Variants in SLC2A13 observed in about 807,000 individuals in gnomAD.
SLC2A13 encodes the protein proton myo-inositol cotransporter.
A neutral mutation model predicts 64.4 loss-of-function variants in SLC2A13; 32 were observed. That is an observed-to-expected ratio of 0.50 (90% CI 0.37 to 0.67). The LOEUF is 0.67. Among genes scored for constraint, SLC2A13 ranks in the 30% least tolerant of loss-of-function variants. The pLI is 0.00. For synonymous variants in SLC2A13, 338 were observed against 327.1 expected (o/e 1.03, Z -0.36); for missense variants, 743 against 829.2 (o/e 0.90, Z 1.28).
intron 4 of SLC2A13, among the ~76,000 whole-genome samples, chr12:39,943,240 C>T (rs1946073329): frequency 6.6e-6 from 1 of 152,176 alleles, no homozygotes; most frequent in Non-Finnish European, 1.5e-5. Flanking sequence ...ATCAGGGACC[C>T]ACTTGAGGAA....
At chr12:39,962,690 GATATTAT>G (rs780314874) in intron 3 of SLC2A13, among the ~76,000 whole-genome samples, 3 of 152,072 alleles carry the variant, frequency 2.0e-5, no homozygotes, top group Non-Finnish European at 4.4e-5. Context: ...TTTTTCAATA[GATATTAT>G]ATGCAAGGAA....
intron 3 of SLC2A13, among the ~76,000 whole-genome samples, chr12:40,012,466 T>C (rs1402572240): frequency 1.3e-5 from 2 of 152,168 alleles, no homozygotes; most frequent in African/African-American, 4.8e-5. Flanking sequence ...CTGGAAGTGT[T>C]TCCAGAAAGA....
At chr12:39,818,220 T>G (rs1420126955) in intron 7 of SLC2A13, among the ~76,000 whole-genome samples, 1 of 151,824 alleles carries the variant, frequency 6.6e-6, no homozygotes. Flanking sequence ...ATTCCCCCAG[T>G]CATGTACATC....
At chr12:40,034,540 T>A (rs1278619866) in intron 2 of SLC2A13, among the ~76,000 whole-genome samples, 3 of 152,222 alleles carry the variant, frequency 2.0e-5, no homozygotes, top group Admixed American at 2.0e-4. Context: ...AAACTGTATC[T>A]GTAATTCCAA....
At chr12:40,035,933 A>G (rs1429707916) in intron 2 of SLC2A13, among the ~76,000 whole-genome samples, 1 of 152,238 alleles carries the variant, frequency 6.6e-6, no homozygotes, top group Non-Finnish European at 1.5e-5. Flanking sequence ...ACTGCATGGT[A>G]AAATACGTTA....
At chr12:39,798,041 T>A (rs1287693935) in intron 7 of SLC2A13, among the ~76,000 whole-genome samples, 3 of 152,194 alleles carry the variant, frequency 2.0e-5, no homozygotes, top group African/African-American at 7.2e-5. Flanking sequence ...AGATCAAAGA[T>A]ATGATGGTGT....
intron 3 of SLC2A13, among the ~76,000 whole-genome samples, chr12:40,002,356 C>A (rs1947334259): frequency 6.6e-6 from 1 of 152,122 alleles, no homozygotes; most frequent in Non-Finnish European, 1.5e-5. Context: ...AATTCACACC[C>A]AGCTCTGTTT....
intron 3 of SLC2A13, among the ~76,000 whole-genome samples, chr12:40,007,204 C>A (rs2136189782): frequency 6.6e-6 from 1 of 152,264 alleles, no homozygotes; most frequent in Middle Eastern, 3.4e-3. Flanking sequence ...GGAACTCATT[C>A]ATAATTTTCT....
intron 7 of SLC2A13, among the ~76,000 whole-genome samples, chr12:39,799,806 C>T (rs944827490): frequency 6.6e-6 from 1 of 152,106 alleles, no homozygotes; most frequent in Non-Finnish European, 1.5e-5. Context: ...AGCCTGGCAA[C>T]TGAGGAGAGC....
intron 2 of SLC2A13, among the ~76,000 whole-genome samples, chr12:40,047,572 A>G (rs1948190091): frequency 6.6e-6 from 1 of 152,228 alleles, no homozygotes; most frequent in Non-Finnish European, 1.5e-5. Context: ...CCAAATATCA[A>G]GGAATAATTT....
At chr12:40,024,576 CTCT>C (rs1947773696) in intron 3 of SLC2A13, among the ~76,000 whole-genome samples, 3 of 152,186 alleles carry the variant, frequency 2.0e-5, no homozygotes, top group African/African-American at 4.8e-5. Context: ...TTTTATTATT[CTCT>C]TCATCTTTTT....
chr12:40,041,365 T>A (rs1415262824), intron 2 of SLC2A13, among the ~76,000 whole-genome samples: 2 of 152,228 alleles, frequency 1.3e-5, no homozygotes, highest in Non-Finnish European at 2.9e-5. Flanking sequence ...TTCTTTCAGA[T>A]GACAGGGCCT....
In SLC2A13 at chr12:39,934,908, T is replaced by C. The variant is rs1219306432; in HGVS notation, c.1034+16349A>G. Among the ~76,000 whole-genome samples the C allele has an allele frequency of 5.9e-5, 9 of 152,242 alleles. No individual in the cohort carries two copies. In the South Asian group the frequency reaches 1.9e-3, roughly 32 times the overall value. ...CCATGAATGGCAGGTCATCAGACTA[T>C]TTGTCTCTGCATGGAGCGGCTTAAT... On this transcript the variant is annotated intron_variant, in intron 4 of 9. Coordinates refer to ENST00000280871, the MANE Select transcript of SLC2A13 (RefSeq NM_052885.4).
chr12:39,947,139 G>A (rs1946149731), intron 4 of SLC2A13, among the ~76,000 whole-genome samples: 1 of 152,142 alleles, frequency 6.6e-6, no homozygotes, highest in South Asian at 2.1e-4. Flanking sequence ...AGAAAAGTAA[G>A]AAGAGGAAAT....
At chr12:39,960,966 C>T (rs1222365834) in intron 3 of SLC2A13, among the ~76,000 whole-genome samples, 5 of 150,616 alleles carry the variant, frequency 3.3e-5, no homozygotes, top group South Asian at 4.2e-4. Context: ...ATGCTGGTCT[C>T]GAACTCCCGA....
intron 6 of SLC2A13, among the ~76,000 whole-genome samples, chr12:39,842,126 G>A (rs1943194404): frequency 6.6e-6 from 1 of 152,082 alleles, no homozygotes; most frequent in Admixed American, 6.6e-5. Flanking sequence ...ACCTAAGGAT[G>A]TTGACTTCCA....
rs549284476 is a variant in SLC2A13 at position 40,017,631 on chromosome 12, G to A, written c.925+10670C>T. Among the ~76,000 whole-genome samples the A allele has an allele frequency of 2.6e-5, 4 of 152,316 alleles. No individual in the cohort carries two copies. In the East Asian group the frequency reaches 7.7e-4, roughly 29 times the overall value. On this transcript the variant is annotated intron_variant, in intron 3 of 9. Coordinates refer to ENST00000280871, the MANE Select transcript of SLC2A13 (RefSeq NM_052885.4). ...GATAGTACAGCTGGCTCCAGTCTCA[G>A]ATGATGACAGACTCAACTCTCACCA...
rs1939990712 is a variant in SLC2A13, at chr12:39,757,159, A to G, written c.*2867T>C. 1.3e-5 allele frequency: 2 copies of G among 151,800 alleles called. No homozygotes were observed. Among genetic ancestry groups the G allele is most frequent in the Non-Finnish European group, 3.0e-5 (2 of 67,690 alleles). 9.4% of individuals were successfully genotyped at this position (151,800 alleles called of 1,614,324 possible). ...TGATATATCCTCTTAAGTCTAGTGCAGATCAGACATCCAGCCTCAATAGGG... is the reference window on the plus strand; with the variant it reads ...TGATATATCCTCTTAAGTCTAGTGCGGATCAGACATCCAGCCTCAATAGGG... On this transcript the variant is annotated 3_prime_UTR_variant, in exon 10 of 10. Transcript: ENST00000280871.
intron 3 of SLC2A13, among the ~76,000 whole-genome samples, chr12:39,968,237 A>G (rs959167584): frequency 2.0e-5 from 3 of 152,170 alleles, no homozygotes; most frequent in Admixed American, 6.5e-5. Context: ...GGAGATATGC[A>G]GAGTGAAGGG....
Sources: gnomAD v4.1 joint callset for allele counts (sites outside exome capture counted in the v4.1 genomes callset) on GRCh38, gnomAD v4.1.1 for gene constraint, MANE v1.5 for transcripts, NCBI Gene and HGNC (gene_info 2026-07-23, HGNC 2026-07-21) for gene names.